The following ITGB2 variants were observed in gnomAD, a reference collection of about 807,000 sequenced individuals.
ITGB2 encodes integrin beta-2.
ITGB2 carries 56 observed loss-of-function variants against 86.8 expected under a neutral mutation model. The observed-to-expected ratio is 0.65, with a 90% CI of 0.52 to 0.81. ITGB2 has a LOEUF of 0.81. Ranked by LOEUF, ITGB2 falls within the 30% of genes least tolerant of loss-of-function variation. The pLI is 0.00. For synonymous variants in ITGB2, 457 were observed against 450.4 expected, an observed-to-expected ratio of 1.01 and a Z score of -0.19; for missense variants, 948 against 1,061.2, an observed-to-expected ratio of 0.89 and a Z score of 1.48.
chr21:44,916,286 C>G (rs2084208619), intron 1 of ITGB2, among the ~76,000 whole-genome samples: 1 of 151,836 alleles, frequency 6.6e-6, no homozygotes, highest in Admixed American at 6.6e-5. Flanking sequence ...ACCCCACCCC[C>G]CCGACACACA....
At chr21:44,886,661 C>A in intron 15 of ITGB2, 75 bp downstream of exon 15, 2 of 1,598,630 alleles carry the variant, frequency 1.3e-6, no homozygotes, top group Non-Finnish European at 8.6e-7. Context: ...TGTCCACGGC[C>A]TCCCGCAGCA....
intron 1 of ITGB2, among the ~76,000 whole-genome samples, chr21:44,926,518 G>A (rs144537521): frequency 6.6e-6 from 1 of 152,186 alleles, no homozygotes; most frequent in Admixed American, 6.5e-5. Flanking sequence ...GTGGGGCCAC[G>A]CCGGGCTGCT....
intron 1 of ITGB2, among the ~76,000 whole-genome samples, chr21:44,917,232 G>A (rs2084225225): frequency 6.6e-6 from 1 of 152,168 alleles, no homozygotes; most frequent in African/African-American, 2.4e-5. Flanking sequence ...CCTGCGCTAT[G>A]GAGTCCCACA....
chr21:44,890,156 C>T lies in ITGB2; in HGVS notation c.1479G>A (p.Leu493=), dbSNP rs1433287193. The T allele has an allele frequency of 1.2e-6, 2 of 1,613,388 alleles. No individual in the cohort carries two copies. The highest frequency in any genetic ancestry group is 2.2e-5 in the East Asian group (1 of 44,864). ...TGTTGTCCTTCCGGCAGCTTCCTTCCAGCTCCTGGCTGCTCCGGCCCTGTG... is the reference window on the plus strand; with the variant it reads ...TGTTGTCCTTCCGGCAGCTTCCTTCTAGCTCCTGGCTGCTCCGGCCCTGTG... ...CQTQGRSSQE[L]EGSCRKDNNS... is the part of the protein sequence containing the mutation. The change falls in exon 12 of 16, where the codon CTG becomes CTA. Residue 493 remains leucine (L), a synonymous_variant. Transcript: ENST00000652462.
intron 8 of ITGB2, among the ~76,000 whole-genome samples, chr21:44,896,012 C>T (rs73239717): frequency 0.013 from 1,911 of 151,716 alleles, 15 homozygotes; most frequent in Middle Eastern, 0.024. Flanking sequence ...CTCCTGCCTG[C>T]GGTGTGAGTG....
In ITGB2 at chr21:44,911,452, G is replaced by A. The variant is rs1329067053; in HGVS notation, c.-3-667C>T. ...CTGTGCTTGGAGGAGAGCTGGGCTTGGCCCTGTCTCTCTGTGGCAGAAACA... is the reference window on the plus strand; with the variant it reads ...CTGTGCTTGGAGGAGAGCTGGGCTTAGCCCTGTCTCTCTGTGGCAGAAACA... On this transcript the variant is annotated intron_variant, in intron 1 of 15. Coordinates refer to ENST00000652462, the MANE Select transcript of ITGB2 (RefSeq NM_000211.5). 4 of 153,026 alleles carry A rather than the reference G, an allele frequency of 2.6e-5. No individual in the cohort carries two copies. The East Asian group carries it at 7.7e-4, about 29-fold the overall frequency. 9.5% of individuals were successfully genotyped at this position (153,026 alleles called of 1,614,324 possible).
chr21:44,899,177 T>C lies in ITGB2; in HGVS notation c.898-15A>G, dbSNP rs2083911446. ...GATGGGTAGTCCTGGAGAGAGGAGG[T>C]CCTGCTCAGTTGGCCCCGAGTCCAG... On this transcript the variant is annotated splice_polypyrimidine_tract_variant and intron_variant, in intron 7 of 15. Transcript: ENST00000652462. 1 of 1,601,830 alleles carries C rather than the reference T, an allele frequency of 6.2e-7. No homozygotes were observed. The highest frequency in any genetic ancestry group is 1.3e-5 in the African/African-American group (1 of 74,598).
chr21:44,907,230 G>T, intron 3 of ITGB2, 135 bp from the exon 4 acceptor site: 3 of 671,444 alleles, frequency 4.5e-6, no homozygotes, highest in Non-Finnish European at 5.0e-6. Flanking sequence ...AAGTCCCTGT[G>T]GACAGAGACA....
At chr21:44,923,819 G>A (rs1008710781), upstream of ITGB2, among the ~76,000 whole-genome samples, 8 of 152,184 alleles carry the variant, frequency 5.3e-5, no homozygotes, top group Non-Finnish European at 7.3e-5. Flanking sequence ...AGTAAAAAGT[G>A]TAAGAAAGGC....
chr21:44,923,264 C>G (rs1160211006), upstream of ITGB2, among the ~76,000 whole-genome samples: 1 of 152,032 alleles, frequency 6.6e-6, no homozygotes, highest in African/African-American at 2.4e-5. Flanking sequence ...GGGAGAGAGA[C>G]CCTTTAGATT....
At position 44,901,423 on chromosome 21, in the gene ITGB2, C is replaced by A. The variant is rs74649973; in HGVS notation, c.741+69G>T. On this transcript the variant is annotated intron_variant, in intron 6 of 15. Transcript: ENST00000652462. The stretch of plus-strand genomic sequence containing the variant: ...GCCGGCCAGGGTACCCCCCTGCCCC[C>A]ACACAGCGCCTGACAGAGCCCCCCA... 1.1e-3 allele frequency: 1,804 copies of A among 1,571,610 alleles called. 20 individuals carry two copies. In the African/African-American group the frequency reaches 0.021, roughly 18 times the overall value.
intron 13 of ITGB2, 25 bp downstream of exon 13, chr21:44,889,251 C>T (rs2083748021): frequency 6.2e-7 from 1 of 1,608,780 alleles, no homozygotes; most frequent in South Asian, 1.1e-5. Context: ...TCCCTGCCCG[C>T]CCTGCCTGCT....
Position 44,891,898 on chromosome 21 carries a change from A to G in ITGB2, c.1323T>C (p.Val441=), listed in dbSNP as rs235326. 1,095,137 of 1,612,870 alleles carry G rather than the reference A, an allele frequency of 0.68. 375,454 individuals carry two copies. The highest frequency in any genetic ancestry group is 0.93 in the African/African-American group (69,534 of 75,038). Residue 441 remains valine (V), a synonymous_variant, in exon 11 of 16, where the codon GTT becomes GTC. Transcript: ENST00000652462. The part of the protein sequence containing the change: ...LGFTDIVTVQ[V]LPQCECRCRD... Reference sequence around the variant, plus strand: ...GGCACCGGCACTCACACTGGGGAAGAACCTGCACGGTCACTATGTCCGTGA... The same window carrying G: ...GGCACCGGCACTCACACTGGGGAAGGACCTGCACGGTCACTATGTCCGTGA...
Position 44,886,903 on chromosome 21 carries a change from C to A in ITGB2, c.2081-1G>T. ...GCGATGTTGGGGCCTGCCACACACT[C>A]TAGGGAAGAAGCAGCACACCTGAGC... On this transcript the variant is annotated splice_acceptor_variant, in intron 14 of 15. Transcript: ENST00000652462. LOFTEE classifies it high-confidence loss of function. 1 of 1,612,666 alleles carries A rather than the reference C, an allele frequency of 6.2e-7. No individual in the cohort carries two copies. The highest frequency in any genetic ancestry group is 8.5e-7 in the Non-Finnish European group (1 of 1,180,000).
chr21:44,898,059 A>T (rs986360311), intron 8 of ITGB2, among the ~76,000 whole-genome samples: 1 of 151,520 alleles, frequency 6.6e-6, no homozygotes, highest in African/African-American at 2.4e-5. Flanking sequence ...TGGGGGTGTC[A>T]TTGTTCCTGG....
chr21:44,899,313 T>G (rs113371056), intron 7 of ITGB2, 151 bp from the exon 8 acceptor site: 75 of 687,594 alleles, frequency 1.1e-4, no homozygotes, highest in Non-Finnish European at 1.8e-4. Context: ...CACGCAGGAG[T>G]GCAGGGCAGA....
At chr21:44,903,343 T>G (rs749182659) in intron 5 of ITGB2, 22 bp downstream of exon 5, 1 of 1,613,820 alleles carries the variant, frequency 6.2e-7, no homozygotes, top group Non-Finnish European at 8.5e-7. Flanking sequence ...CTGGGTTTTG[T>G]CCTGCAGTGC....
chr21:44,901,506 C>G lies in ITGB2; in HGVS notation c.727G>C (p.Val243Leu). The part of the protein sequence containing the change: ...PEGGLDAMMQ[V>L]AACPEEIGWR... ...AGCGGCCTCACCGGGCAGGCGGCGA[C>G]CTGCATCATGGCGTCCAGCCCACCC... Residue 243 changes from valine (V) to leucine (L), a missense_variant, in exon 6 of 16, where the codon GTC becomes CTC. Val to Leu is a conservative substitution (Grantham distance 32, BLOSUM62 1). Coordinates refer to ENST00000652462, the MANE Select transcript of ITGB2 (RefSeq NM_000211.5). 7 of 1,614,184 alleles carry G rather than the reference C, an allele frequency of 4.3e-6. No individual in the cohort carries two copies. The highest frequency in any genetic ancestry group is 5.9e-6 in the Non-Finnish European group (7 of 1,180,030).
chr21:44,915,058 G>A (rs975932728), intron 1 of ITGB2, among the ~76,000 whole-genome samples: 2 of 152,128 alleles, frequency 1.3e-5, no homozygotes, highest in African/African-American at 2.4e-5. Flanking sequence ...ACGGAGTTGC[G>A]CTGTCACCGG....
Sources: allele counts gnomAD v4.1 joint callset (sites outside exome capture counted in the v4.1 genomes callset), GRCh38; gene constraint gnomAD v4.1.1; transcripts MANE v1.5; gene names NCBI Gene and HGNC (gene_info 2026-07-23, HGNC 2026-07-21).